CA4: variants seen among roughly 807,000 people sequenced by gnomAD.
CA4 encodes carbonic anhydrase 4, also known as CA-IV.
In CA4, 24 loss-of-function variants were observed where a neutral mutation model predicts 34.5. The ratio of observed to expected loss-of-function variants is 0.70; its 90% confidence interval spans 0.50 to 0.98. The LOEUF (loss-of-function observed/expected upper bound fraction) is 0.98, where lower values mean the gene tolerates loss of function less well. CA4 is among the 50% of genes least tolerant of loss of function. The pLI is 0.00. For synonymous variants in CA4, 178 were observed against 170.6 expected, an observed-to-expected ratio of 1.04 and a Z score of -0.34; for missense variants, 394 against 396.7, an observed-to-expected ratio of 0.99 and a Z score of 0.06.
intron 1 of CA4, 69 bp from the exon 2 acceptor site, chr17:60,155,245 T>A: frequency 1.4e-6 from 2 of 1,471,022 alleles, no homozygotes; most frequent in Non-Finnish European, 1.9e-6. Flanking sequence ...GCCCAGCCTC[T>A]GATCCTCCTG....
At chr17:60,152,193 C>T (rs969828362) in intron 1 of CA4, among the ~76,000 whole-genome samples, 1 of 151,990 alleles carries the variant, frequency 6.6e-6, no homozygotes, top group Non-Finnish European at 1.5e-5. Context: ...GGTAGGTAGC[C>T]CCTCTCCTTC....
Position 60,159,473 on chromosome 17 carries a change from C to T in CA4, c.*49C>T, listed in dbSNP as rs1442535181. The T allele has an allele frequency of 6.3e-7, 1 of 1,586,880 alleles. No homozygotes were observed. The highest frequency in any genetic ancestry group is 1.7e-5 in the Admixed American group (1 of 58,808). On this transcript the variant is annotated 3_prime_UTR_variant, in exon 8 of 8. Coordinates refer to ENST00000300900, the MANE Select transcript of CA4 (RefSeq NM_000717.5). ...CTCTGTTGCCTCAGCTCTCCAAGTT[C>T]CAGGCTTCCGGTCCTTAGCCTTCCC...
rs561607066 is a variant in CA4, at chr17:60,152,175, G to C, written c.58+2083G>C. On this transcript the variant is annotated intron_variant, in intron 1 of 7. Coordinates refer to ENST00000300900, the MANE Select transcript of CA4 (RefSeq NM_000717.5). ...GGTAGGATGTGGCGCTGGACACCGA[G>C]ACCTCTGGGTAGGTAGCCCCTCTCC... 2.2e-4 allele frequency among the ~76,000 whole-genome samples: 33 copies of C among 152,238 alleles called. No homozygotes were observed. In the South Asian group the frequency reaches 6.0e-3, roughly 28 times the overall value.
At chr17:60,157,094 C>A (rs189074822) in intron 3 of CA4, 100 of 525,148 alleles carry the variant, frequency 1.9e-4, no homozygotes, top group Non-Finnish European at 3.0e-4. Flanking sequence ...AAGGGCAGAT[C>A]ACCCAGGCCT....
chr17:60,161,800 G>A (rs989808530), downstream of CA4, among the ~76,000 whole-genome samples: 1 of 152,098 alleles, frequency 6.6e-6, no homozygotes, highest in Admixed American at 6.5e-5. Flanking sequence ...GCCTGTCAGC[G>A]GGGGGTGTGT....
chr17:60,158,595 A>G (rs566952778), intron 7 of CA4, 149 bp downstream of exon 7: 3 of 768,508 alleles, frequency 3.9e-6, no homozygotes, highest in Admixed American at 4.4e-5. Flanking sequence ...CACTGAAGAC[A>G]GGCAAGAAAA....
chr17:60,164,353 AGTCTGTCT>A (rs201661288), downstream of CA4, among the ~76,000 whole-genome samples: 1 of 133,764 alleles, frequency 7.5e-6, no homozygotes, highest in African/African-American at 2.6e-5. Flanking sequence ...CCCTCCCTCC[AGTCTGTCT>A]GTCTGTCTGT....
chr17:60,177,270 TACAGATAA>T, the CA4 span, among the ~76,000 whole-genome samples: 1 of 152,236 alleles, frequency 6.6e-6, no homozygotes, highest in Non-Finnish European at 1.5e-5. Context: ...GTATACTAGT[TACAGATAA>T]ACAGGTACAC....
intron 2 of CA4, among the ~76,000 whole-genome samples, chr17:60,155,888 C>T (rs940485268): frequency 1.3e-5 from 2 of 152,216 alleles, no homozygotes; most frequent in African/African-American, 4.8e-5. Flanking sequence ...ACACCCCTTG[C>T]AGGGTGCCTG....
chr17:60,154,979 G>A (rs973381309), intron 1 of CA4, among the ~76,000 whole-genome samples: 4 of 152,134 alleles, frequency 2.6e-5, no homozygotes, highest in Admixed American at 2.0e-4. Context: ...GGAGGTAAGC[G>A]CGGAGGAGGC....
intron 1 of CA4, among the ~76,000 whole-genome samples, chr17:60,150,654 TAAAAAAAAAAAAAAAAAAA>T (rs66850461): frequency 1.3e-3 from 43 of 33,914 alleles, no homozygotes; most frequent in Non-Finnish European, 2.0e-3. Context: ...GTGCTCCGTT[TAAAAAAAAAAAAAAAAAAA>T]AAAAAAAAAA....
At position 60,159,449 on chromosome 17, in the gene CA4, T is replaced by C; in HGVS notation, c.*25T>C. 5 of 1,606,712 alleles carry C rather than the reference T, an allele frequency of 3.1e-6. No homozygotes were observed. Among genetic ancestry groups the C allele is most frequent in the Non-Finnish European group, 4.2e-6 (5 of 1,178,288 alleles). ...ATGGCTCACTTCTGCACGCAGCCTC[T>C]CTGTTGCCTCAGCTCTCCAAGTTCC... On this transcript the variant is annotated 3_prime_UTR_variant, in exon 8 of 8. Coordinates refer to ENST00000300900, the MANE Select transcript of CA4 (RefSeq NM_000717.5).
chr17:60,168,740 G>A (rs1047641930), intron 5 of CA4, among the ~76,000 whole-genome samples: 7 of 152,176 alleles, frequency 4.6e-5, no homozygotes, highest in African/African-American at 1.7e-4. Flanking sequence ...CCAGAAGATC[G>A]GGTGGTCCCT....
the CA4 span, among the ~76,000 whole-genome samples, chr17:60,177,307 T>A: frequency 1.3e-5 from 2 of 152,232 alleles, no homozygotes; most frequent in African/African-American, 4.8e-5. Context: ...CAATTACCAA[T>A]ACTTTTTATA....
chr17:60,156,675 TAAG>T lies in CA4; in HGVS notation c.232_234del (p.Lys78del), dbSNP rs1567730075. The T allele has an allele frequency of 3.1e-6, 5 of 1,614,066 alleles. No individual in the cohort carries two copies. The highest frequency in any genetic ancestry group is 1.6e-4 in the Middle Eastern group (1 of 6,062). ...GACGCTTCTTCTTCTCTGGCTACGA[TAAG>T]AAGCAAACGTGGACTGTCCAAAATA... On this transcript the variant is annotated inframe_deletion, in exon 3 of 8. Coordinates refer to ENST00000300900, the MANE Select transcript of CA4 (RefSeq NM_000717.5).
downstream of CA4, among the ~76,000 whole-genome samples, chr17:60,162,404 T>G (rs578111798): frequency 1.4e-3 from 216 of 152,254 alleles, no homozygotes; most frequent in Non-Finnish European, 1.0e-3. Flanking sequence ...CTGAGTTCCC[T>G]GTGCCCAGTC....
downstream of CA4, among the ~76,000 whole-genome samples, chr17:60,163,429 C>T (rs1158359304): frequency 6.6e-6 from 1 of 152,160 alleles, no homozygotes; most frequent in Non-Finnish European, 1.5e-5. Context: ...GAAGGGGCTA[C>T]CCTTGGTCCC....
chr17:60,175,045 T>C (rs1248022580), downstream of CA4, among the ~76,000 whole-genome samples: 5 of 152,138 alleles, frequency 3.3e-5, no homozygotes, highest in East Asian at 9.7e-4. Flanking sequence ...CCGAGGCTTT[T>C]TGAGACAAGG....
chr17:60,166,574 C>T (rs2083857632), intron 5 of CA4, among the ~76,000 whole-genome samples: 1 of 152,196 alleles, frequency 6.6e-6, no homozygotes, highest in African/African-American at 2.4e-5. Context: ...GCACTTAATC[C>T]TTAGAATAAC....
Sources: gnomAD v4.1 joint callset for allele counts (sites outside exome capture counted in the v4.1 genomes callset) on GRCh38, gnomAD v4.1.1 for gene constraint, MANE v1.5 for transcripts, NCBI Gene and HGNC (gene_info 2026-07-23, HGNC 2026-07-21) for gene names.